The following LCP2 variants were observed in gnomAD, a reference collection of about 807,000 sequenced individuals.
The protein encoded by LCP2 is 76 kDa tyrosine phosphoprotein.
Under a neutral mutation model 74.5 loss-of-function variants are expected in LCP2, and 29 were observed. The ratio of observed to expected loss-of-function variants is 0.39; its 90% CI spans 0.29 to 0.53. The LOEUF (loss-of-function observed/expected upper bound fraction) is 0.53. Among genes scored for constraint, LCP2 ranks in the 20% least tolerant of loss-of-function variants. The pLI is 0.72. For missense variants in LCP2, 604 were observed against 634.6 expected (o/e 0.95, Z 0.52); for synonymous variants, 228 against 229.5 (o/e 0.99, Z 0.06).
At chr5:170,289,020 G>A (rs553984634) in intron 2 of LCP2, among the ~76,000 whole-genome samples, 3 of 152,184 alleles carry the variant, frequency 2.0e-5, no homozygotes, top group African/African-American at 4.8e-5. Context: ...TAGTTAGGGT[G>A]GGAGCTCTGG....
rs1453515457 is a variant in LCP2, at chr5:170,256,712, G to T, written c.1101-137C>A. The T allele has an allele frequency of 1.4e-6, 1 of 690,064 alleles. No homozygotes were observed. The allele number at this position is 690,064 out of a possible 1,614,324, so 42.7% of individuals were successfully genotyped here. A position where few individuals can be genotyped will look rare whatever the true frequency, so the allele number is the denominator to read the frequency against. The stretch of plus-strand genomic sequence containing the variant: ...TCCCTGCTGCCCCCAAAACCATGGG[G>T]GCTGGGCACAGGGACAGAACACAGC... On this transcript the variant is annotated intron_variant, in intron 16 of 20. Transcript: ENST00000046794. This position sits in a 1 kb window ranked among gnomAD's most constrained non-coding sequence, Gnocchi z 4.5.
intron 6 of LCP2, among the ~76,000 whole-genome samples, chr5:170,271,456 C>T (rs1037572493): frequency 1.2e-4 from 18 of 152,094 alleles, no homozygotes; most frequent in African/African-American, 3.9e-4. Flanking sequence ...AGGAGGGGAC[C>T]GTCAGAGGCT....
intron 3 of LCP2, among the ~76,000 whole-genome samples, chr5:170,287,228 T>C (rs960766585): frequency 9.2e-5 from 14 of 152,334 alleles, no homozygotes; most frequent in Non-Finnish European, 2.1e-4. Context: ...ATTTTTCTTA[T>C]AATGGAGAAC....
chr5:170,270,156 G>C (rs112229021), intron 7 of LCP2, among the ~76,000 whole-genome samples: 1,814 of 152,298 alleles, frequency 0.012, 39 homozygotes, highest in African/African-American at 0.041. Flanking sequence ...TGAGAATGGG[G>C]CCTGGGCTCC....
chr5:170,279,870 C>T (rs1762071065), intron 3 of LCP2, among the ~76,000 whole-genome samples: 1 of 151,844 alleles, frequency 6.6e-6, no homozygotes, highest in South Asian at 2.1e-4. Flanking sequence ...TGAAGGAAGC[C>T]CTACTAGTGG....
intron 13 of LCP2, among the ~76,000 whole-genome samples, chr5:170,262,243 C>T (rs1761667126): frequency 6.6e-6 from 1 of 152,052 alleles, no homozygotes; most frequent in Non-Finnish European, 1.5e-5. Context: ...CTTGCGGTGA[C>T]CTGAAAAACC....
chr5:170,257,327 C>T (rs1761571599), intron 16 of LCP2, among the ~76,000 whole-genome samples: 1 of 152,058 alleles, frequency 6.6e-6, no homozygotes, highest in South Asian at 2.1e-4. Context: ...CCAGAGGGTC[C>T]CAGGGCAGAG....
At chr5:170,274,171 TC>T in intron 6 of LCP2, 129 bp downstream of exon 6, 1 of 953,714 alleles carries the variant, frequency 1.0e-6, no homozygotes, top group Non-Finnish European at 1.6e-6. Context: ...GAGCACCTTT[TC>T]TGGGCCCTGG....
chr5:170,287,820 T>C, intron 3 of LCP2, 150 bp downstream of exon 3: 1 of 718,724 alleles, frequency 1.4e-6, no homozygotes, highest in Admixed American at 2.2e-5. Context: ...GTAACTTCTG[T>C]TCCCCACATC....
intron 3 of LCP2, 68 bp from the exon 4 acceptor site, chr5:170,275,928 G>T: frequency 7.3e-7 from 1 of 1,362,000 alleles, no homozygotes; most frequent in Non-Finnish European, 1.0e-6. Context: ...CCTGACCCTT[G>T]ATATCCCCTG....
At position 170,247,657 on chromosome 5, in the gene LCP2, C is replaced by T. The variant is rs1320262340; in HGVS notation, c.*1040G>A. ...TAAACTGGAGGAAAGAGTTTAATTA[C>T]CTCAAAGCACTTATACAGCCTGTTT... On this transcript the variant is annotated 3_prime_UTR_variant, in exon 21 of 21. Transcript: ENST00000046794. The T allele has an allele frequency of 1.3e-5, 2 of 152,142 alleles. No individual in the cohort carries two copies. The allele number at this position is 152,142 out of a possible 1,614,324, so 9.4% of individuals were successfully genotyped here.
chr5:170,261,272 C>T, intron 13 of LCP2, 135 bp from the exon 14 acceptor site: 2 of 677,964 alleles, frequency 3.0e-6, no homozygotes, highest in Admixed American at 4.5e-5. Flanking sequence ...AAGCAACAGA[C>T]CCCCACAGAG....
At chr5:170,252,155 A>G (rs1477853923) in intron 19 of LCP2, 1 of 254,626 alleles carries the variant, frequency 3.9e-6, no homozygotes, top group Non-Finnish European at 7.7e-6. Flanking sequence ...TGTGATTCCT[A>G]TGACAAGACA....
At position 170,258,150 on chromosome 5, in the gene LCP2, C is replaced by A; in HGVS notation, c.987G>T (p.Leu329Phe). ...TCATAGGAAGTAGTGCTGGCTGGGG[C>A]AAAGGTCTCTGATGCACTGTGCAGA... ...NDEDDVHQRP[L>F]PQPALLPMSS... is the part of the protein sequence containing the mutation. The change falls in exon 16 of 21, where the codon TTG becomes TTT. Residue 329 changes from leucine to phenylalanine, a missense_variant. Leu to Phe is a conservative substitution (Grantham distance 22). Transcript: ENST00000046794. 6.2e-7 allele frequency: 1 copy of A among 1,613,872 alleles called. No homozygotes were observed. Among genetic ancestry groups the A allele is most frequent in the Non-Finnish European group, 8.5e-7 (1 of 1,179,830 alleles).
At chr5:170,273,765 A>C in intron 6 of LCP2, 1 of 155,734 alleles carries the variant, frequency 6.4e-6, no homozygotes, top group Admixed American at 6.2e-5. Flanking sequence ...GTGACCTTTC[A>C]ATGTAAAAAT....
rs315752 is a variant in LCP2 at position 170,268,911 on chromosome 5, C to A, written c.524-429G>T. On this transcript the variant is annotated intron_variant, in intron 7 of 20. Transcript: ENST00000046794. ...CACACATGCATATATATGCACACAC[C>A]TGCATACACAGAGACACGAGTGCAC... 8.0e-3 allele frequency among the ~76,000 whole-genome samples: 1,146 copies of A among 143,432 alleles called. 39 individuals carry two copies. Among genetic ancestry groups the A allele is most frequent in the South Asian group, 0.016 (76 of 4,792 alleles). 94.1% of individuals were successfully genotyped at this position (143,432 alleles called of 152,430 possible). A position where few individuals can be genotyped will look rare whatever the true frequency, so the allele number is the denominator to read the frequency against.
At chr5:170,285,059 C>A (rs892784862) in intron 3 of LCP2, among the ~76,000 whole-genome samples, 1 of 152,104 alleles carries the variant, frequency 6.6e-6, no homozygotes, top group Non-Finnish European at 1.5e-5. Flanking sequence ...CCCCTTGATG[C>A]TCTTTTCAGT....
chr5:170,289,649 CT>C (rs1195946330), intron 2 of LCP2, among the ~76,000 whole-genome samples: 1 of 116,724 alleles, frequency 8.6e-6, no homozygotes, highest in African/African-American at 3.4e-5. Context: ...TTCTTTCTTT[CT>C]TTCTTTCTTT....
At position 170,262,617 on chromosome 5, in the gene LCP2, G is replaced by A. The variant is rs2113166748; in HGVS notation, c.926+18C>T. On this transcript the variant is annotated intron_variant, in intron 13 of 20. Coordinates refer to ENST00000046794, the MANE Select transcript of LCP2 (RefSeq NM_005565.5). The stretch of plus-strand genomic sequence containing the variant: ...CGGCCACTGTGAGTGACAAGCTCAA[G>A]CAACACCAGACAATTACTTTGGCAC... The A allele has an allele frequency of 6.3e-7, 1 of 1,580,636 alleles. No homozygotes were observed. Among genetic ancestry groups the A allele is most frequent in the Non-Finnish European group, 8.7e-7 (1 of 1,152,764 alleles).
Sources: gnomAD v4.1 joint callset for allele counts (sites outside exome capture counted in the v4.1 genomes callset) on GRCh38, gnomAD v4.1.1 for gene constraint, Gnocchi (gnomAD v3.1) non-coding constraint, MANE v1.5 for transcripts, NCBI Gene and HGNC (gene_info 2026-07-23, HGNC 2026-07-21) for gene names.